Variants in SLC24A3 observed in about 807,000 individuals in gnomAD.
SLC24A3 encodes sodium/potassium/calcium exchanger 3.
Under a neutral mutation model 75.8 loss-of-function variants are expected in SLC24A3, and 28 were observed. That is an observed-to-expected ratio of 0.37 (90% confidence interval 0.27 to 0.51). The LOEUF (loss-of-function observed/expected upper bound fraction) is 0.51, where lower values mean the gene tolerates loss of function less well. Ranked by LOEUF, SLC24A3 falls within the 20% of genes least tolerant of loss-of-function variation. The probability of loss-of-function intolerance (pLI) is 0.94; values close to 1 mark genes in which losing one functional copy is unlikely to be tolerated. For missense variants in SLC24A3, 663 were observed against 847.8 expected, an observed-to-expected ratio of 0.78 and a Z score of 2.71; for synonymous variants, 372 against 334.1, an observed-to-expected ratio of 1.11 and a Z score of -1.24.
At chr20:19,252,312 G>C (rs1982682122) in intron 1 of SLC24A3, among the ~76,000 whole-genome samples, 3 of 152,170 alleles carry the variant, frequency 2.0e-5, no homozygotes. Flanking sequence ...AACAGCAGAA[G>C]GGGCAGATAG....
At position 19,223,303 on chromosome 20, in the gene SLC24A3, G is replaced by A. The variant is rs893700644; in HGVS notation, c.142+10319G>A. ...GCCAAGCTCTGTCTCGGGGTGGTGC[G>A]GTGGGGGAGAAGTAATACAGAGACA... On this transcript the variant is annotated intron_variant, in intron 1 of 16. Coordinates refer to ENST00000328041, the MANE Select transcript of SLC24A3 (RefSeq NM_020689.4). Among the ~76,000 whole-genome samples the A allele has an allele frequency of 1.6e-4, 24 of 147,096 alleles. 2 individuals carry two copies. The South Asian group carries it at 3.7e-3, about 23-fold the overall frequency.
intron 2 of SLC24A3, among the ~76,000 whole-genome samples, chr20:19,476,233 A>T (rs1987960174): frequency 6.6e-6 from 1 of 152,178 alleles, no homozygotes; most frequent in Non-Finnish European, 1.5e-5. Flanking sequence ...TTAATCTGAG[A>T]TGTTGGTAGT....
chr20:19,352,456 T>C (rs1161231660), intron 2 of SLC24A3, among the ~76,000 whole-genome samples: 1 of 152,206 alleles, frequency 6.6e-6, no homozygotes, highest in African/African-American at 2.4e-5. Context: ...ACGGCTGCTG[T>C]GAGTAGGTGC....
At chr20:19,282,281 C>T (rs1302135732) in intron 2 of SLC24A3, among the ~76,000 whole-genome samples, 1 of 152,096 alleles carries the variant, frequency 6.6e-6, no homozygotes, top group Non-Finnish European at 1.5e-5. Context: ...GCCCTGCCTC[C>T]ACCACCACCA....
At chr20:19,406,118 G>A (rs1165271501) in intron 2 of SLC24A3, among the ~76,000 whole-genome samples, 1 of 151,996 alleles carries the variant, frequency 6.6e-6, no homozygotes, top group African/African-American at 2.4e-5. Context: ...CTGCCTTCAA[G>A]AATATTGTAG....
chr20:19,379,347 T>C (rs1449369445), intron 2 of SLC24A3, among the ~76,000 whole-genome samples: 1 of 152,092 alleles, frequency 6.6e-6, no homozygotes. Context: ...TGGAGAATAA[T>C]TGGAGATAAG....
At chr20:19,687,163 C>T (rs1471784346) in intron 12 of SLC24A3, among the ~76,000 whole-genome samples, 2 of 152,208 alleles carry the variant, frequency 1.3e-5, no homozygotes, top group African/African-American at 4.8e-5. Context: ...CATTCCTTTG[C>T]AGAGGCTCTG....
chr20:19,511,969 C>T lies in SLC24A3; in HGVS notation c.272-3519C>T, dbSNP rs142527848. On this transcript the variant is annotated intron_variant, in intron 2 of 16. Transcript: ENST00000328041. ...GTTAGACTGTCCTCTGCCTTGCCCA[C>T]CCTGACCCTGGAGCTCCCACATTCT... 7.9e-5 allele frequency among the ~76,000 whole-genome samples: 12 copies of T among 152,308 alleles called. No individual in the cohort carries two copies. In the East Asian group the frequency reaches 2.3e-3, roughly 29 times the overall value.
intron 8 of SLC24A3, among the ~76,000 whole-genome samples, chr20:19,671,095 GA>G (rs1290898814): frequency 6.6e-6 from 1 of 152,210 alleles, no homozygotes; most frequent in African/African-American, 2.4e-5. Context: ...TCATGTGAGA[GA>G]AAGTCGGGCA....
At chr20:19,523,101 A>G (rs1288464235) in intron 3 of SLC24A3, among the ~76,000 whole-genome samples, 1 of 152,246 alleles carries the variant, frequency 6.6e-6, no homozygotes, top group Non-Finnish European at 1.5e-5. Flanking sequence ...GTTGCAAGGT[A>G]CAAAATCAAC....
At chr20:19,593,186 A>G (rs910176150) in intron 6 of SLC24A3, among the ~76,000 whole-genome samples, 5 of 152,198 alleles carry the variant, frequency 3.3e-5, no homozygotes, top group African/African-American at 1.2e-4. Context: ...TTTGGGGCAC[A>G]AATGTCATTT....
intron 2 of SLC24A3, among the ~76,000 whole-genome samples, chr20:19,412,571 C>G (rs936372265): frequency 2.7e-5 from 4 of 147,794 alleles, no homozygotes; most frequent in East Asian, 2.0e-4. Flanking sequence ...AGGGACAGGA[C>G]GAGGAGAAAG....
chr20:19,469,559 G>T (rs1405880806), intron 2 of SLC24A3, among the ~76,000 whole-genome samples: 1 of 152,118 alleles, frequency 6.6e-6, no homozygotes, highest in African/African-American at 2.4e-5. Context: ...GTTGCATGAT[G>T]CCTTCATCTG....
chr20:19,466,393 T>A (rs192149545), intron 2 of SLC24A3, among the ~76,000 whole-genome samples: 3 of 151,872 alleles, frequency 2.0e-5, no homozygotes, highest in South Asian at 4.2e-4. Flanking sequence ...GGAAAGGGAG[T>A]CAGGTCTGAG....
intron 12 of SLC24A3, among the ~76,000 whole-genome samples, chr20:19,692,849 A>G (rs1402312847): frequency 1.3e-5 from 2 of 150,808 alleles, no homozygotes; most frequent in Non-Finnish European, 3.0e-5. Flanking sequence ...AACGTGGAAA[A>G]CAGAAGCCCA....
intron 2 of SLC24A3, among the ~76,000 whole-genome samples, chr20:19,488,733 T>C (rs1383204304): frequency 1.3e-5 from 2 of 152,220 alleles, no homozygotes; most frequent in Non-Finnish European, 2.9e-5. Flanking sequence ...TAATGAGATA[T>C]CTTGTGGGTG....
intron 2 of SLC24A3, among the ~76,000 whole-genome samples, chr20:19,452,425 T>TGTGTGTGG (rs56271347): frequency 1.7e-5 from 2 of 115,488 alleles, no homozygotes; most frequent in African/African-American, 3.7e-5. Context: ...TGTGTGTGTG[T>TGTGTGTGG]TGGGGAAGTA....
At chr20:19,706,599 T>A in intron 15 of SLC24A3, among the ~76,000 whole-genome samples, 1 of 148,146 alleles carries the variant, frequency 6.8e-6, no homozygotes, top group African/African-American at 2.5e-5. Flanking sequence ...CTGGGGGGAG[T>A]ATGGGAGGGG....
intron 1 of SLC24A3, among the ~76,000 whole-genome samples, chr20:19,235,927 A>G (rs1306752470): frequency 6.6e-6 from 1 of 152,246 alleles, no homozygotes; most frequent in East Asian, 1.9e-4. Context: ...AAATGCATTT[A>G]ACAGCATGAA....
Sources: allele counts gnomAD v4.1 joint callset (sites outside exome capture counted in the v4.1 genomes callset), GRCh38; gene constraint gnomAD v4.1.1; transcripts MANE v1.5; gene names NCBI Gene and HGNC (gene_info 2026-07-23, HGNC 2026-07-21).